Variants in IL1RAPL2 observed in about 807,000 individuals in gnomAD.
IL1RAPL2 encodes X-linked interleukin-1 receptor accessory protein-like 2.
A neutral mutation model predicts 44.1 loss-of-function variants in IL1RAPL2; 3 were observed. That is an observed-to-expected ratio of 0.07 (90% confidence interval 0.03 to 0.18). IL1RAPL2 has a LOEUF of 0.18. Among genes scored for constraint, IL1RAPL2 ranks in the 10% least tolerant of loss-of-function variants. The probability of loss-of-function intolerance (pLI) is 1.00; values close to 1 mark genes in which losing one functional copy is unlikely to be tolerated. For synonymous variants in IL1RAPL2, 181 were observed against 178.8 expected, an observed-to-expected ratio of 1.01 and a Z score of -0.10; for missense variants, 391 against 496.4, an observed-to-expected ratio of 0.79 and a Z score of 2.02.
chrX:105,346,577 C>T (rs1183438726), intron 5 of IL1RAPL2, among the ~76,000 whole-genome samples: 1 of 111,836 alleles, frequency 8.9e-6, no homozygotes, highest in Admixed American at 9.5e-5. Context: ...CATTTTGTGA[C>T]AACAGCAACA....
chrX:104,946,409 A>AAAAAAAAAAAAC (rs1163144267), intron 2 of IL1RAPL2, among the ~76,000 whole-genome samples: 3 of 84,967 alleles, frequency 3.5e-5, no homozygotes, highest in Non-Finnish European at 7.0e-5. Flanking sequence ...AAAAAAAAAA[A>AAAAAAAAAAAAC]CTTTTTAAAA....
At chrX:105,037,926 A>G (rs2031657498) in intron 2 of IL1RAPL2, among the ~76,000 whole-genome samples, 1 of 111,892 alleles carries the variant, frequency 8.9e-6, no homozygotes, top group Admixed American at 9.5e-5. Flanking sequence ...GGGGACACTC[A>G]TTCCAAAGTG....
chrX:105,269,722 A>T (rs2034432780), intron 5 of IL1RAPL2, among the ~76,000 whole-genome samples: 1 of 111,854 alleles, frequency 8.9e-6, no homozygotes, highest in African/African-American at 3.2e-5. Context: ...GCGTCGCAGC[A>T]TCATCACTTT....
intron 6 of IL1RAPL2, among the ~76,000 whole-genome samples, chrX:105,581,965 T>TA (rs1238560510): frequency 9.0e-6 from 1 of 111,666 alleles, no homozygotes; most frequent in African/African-American, 3.2e-5. Flanking sequence ...TCTACTCAGT[T>TA]ACTTTGCCAG....
chrX:105,115,094 TGTTACA>T (rs2032840177), intron 2 of IL1RAPL2, among the ~76,000 whole-genome samples: 1 of 110,826 alleles, frequency 9.0e-6, no homozygotes, highest in African/African-American at 3.3e-5. Flanking sequence ...CCGCGGTGAG[TGTTACA>T]GTTCTTAAAG....
chrX:105,209,824 T>C (rs2033793767), intron 3 of IL1RAPL2, among the ~76,000 whole-genome samples: 1 of 111,920 alleles, frequency 8.9e-6, no homozygotes, highest in Non-Finnish European at 1.9e-5. Flanking sequence ...ACTGATTTAA[T>C]GTTTTACTGA....
chrX:104,954,464 G>A (rs927490828), intron 2 of IL1RAPL2, among the ~76,000 whole-genome samples: 1 of 112,097 alleles, frequency 8.9e-6, no homozygotes, highest in African/African-American at 3.2e-5. Context: ...AAGTCTGATG[G>A]GCAAGACAGA....
intron 2 of IL1RAPL2, among the ~76,000 whole-genome samples, chrX:104,772,071 G>T (rs1932649328): frequency 9.0e-6 from 1 of 111,164 alleles, no homozygotes; most frequent in African/African-American, 3.3e-5. Flanking sequence ...CTGGACCTCA[G>T]TTTCCCATAT....
rs145685539 is a variant in IL1RAPL2 at position 104,963,295 on chromosome X, T to C, written c.83-232180T>C. On this transcript the variant is annotated intron_variant, in intron 2 of 10. Coordinates refer to ENST00000372582, the MANE Select transcript of IL1RAPL2 (RefSeq NM_017416.2). The stretch of plus-strand genomic sequence containing the variant: ...AGGAAAAATTTGAATAGTCTTAAGG[T>C]AGTACTTAATACTTACATTTGATCT... Among the ~76,000 whole-genome samples the C allele has an allele frequency of 1.3e-4, 15 of 112,183 alleles. No individual in the cohort carries two copies. The East Asian group carries it at 3.9e-3, about 29-fold the overall frequency.
intron 2 of IL1RAPL2, among the ~76,000 whole-genome samples, chrX:104,750,939 C>T (rs906770701): frequency 9.0e-6 from 1 of 110,864 alleles, no homozygotes. Context: ...GTTGCATGAC[C>T]TTTGATAAGT....
chrX:105,682,658 A>G (rs1023796182), intron 6 of IL1RAPL2, among the ~76,000 whole-genome samples: 1 of 111,991 alleles, frequency 8.9e-6, no homozygotes, highest in Non-Finnish European at 1.9e-5. Context: ...TATTTTAGCC[A>G]CACAAATTTA....
intron 5 of IL1RAPL2, among the ~76,000 whole-genome samples, chrX:105,292,754 T>G (rs184871365): frequency 9.0e-6 from 1 of 111,633 alleles, no homozygotes; most frequent in East Asian, 2.8e-4. Flanking sequence ...TTTTAATTTT[T>G]AATATAGTAA....
At chrX:104,632,271 A>G (rs959950102) in intron 1 of IL1RAPL2, among the ~76,000 whole-genome samples, 18 of 111,649 alleles carry the variant, frequency 1.6e-4, no homozygotes, top group Non-Finnish European at 2.6e-4. Context: ...GAAGTCAGGT[A>G]GCTCGATGCC....
At chrX:105,280,874 G>T (rs1013482251) in intron 5 of IL1RAPL2, among the ~76,000 whole-genome samples, 1 of 111,283 alleles carries the variant, frequency 9.0e-6, no homozygotes, top group Non-Finnish European at 1.9e-5. Flanking sequence ...TGGTGATTCT[G>T]CAAGGATCTA....
At chrX:105,486,715 C>T (rs1323800453) in intron 6 of IL1RAPL2, among the ~76,000 whole-genome samples, 1 of 94,704 alleles carries the variant, frequency 1.1e-5, no homozygotes, top group Non-Finnish European at 2.0e-5. Flanking sequence ...AATTTATCCA[C>T]ATATATATCT....
chrX:104,759,265 A>G (rs1490088386), intron 2 of IL1RAPL2, among the ~76,000 whole-genome samples: 4 of 112,217 alleles, frequency 3.6e-5, no homozygotes, highest in Non-Finnish European at 7.5e-5. Flanking sequence ...TTGCTAGCAG[A>G]GCAACCACTG....
At chrX:105,277,470 G>T (rs1201324697) in intron 5 of IL1RAPL2, among the ~76,000 whole-genome samples, 3 of 110,400 alleles carry the variant, frequency 2.7e-5, no homozygotes, top group Non-Finnish European at 5.7e-5. Context: ...GCCCACCCTG[G>T]ATGACATCTT....
intron 2 of IL1RAPL2, among the ~76,000 whole-genome samples, chrX:104,786,569 T>C (rs1438266270): frequency 1.8e-5 from 2 of 111,798 alleles, no homozygotes; most frequent in Non-Finnish European, 3.8e-5. Context: ...AATGCAGGGC[T>C]GCTAATAGCT....
At chrX:104,700,264 T>C (rs1468450573) in intron 2 of IL1RAPL2, among the ~76,000 whole-genome samples, 1 of 111,800 alleles carries the variant, frequency 8.9e-6, no homozygotes, top group Admixed American at 9.5e-5. Context: ...TTGGGCTACA[T>C]AGAGATTGAA....
Sources: allele counts gnomAD v4.1 joint callset (sites outside exome capture counted in the v4.1 genomes callset), GRCh38; gene constraint gnomAD v4.1.1; transcripts MANE v1.5; gene names NCBI Gene and HGNC (gene_info 2026-07-23, HGNC 2026-07-21).